Variants in DGKH observed in about 807,000 individuals in gnomAD.
DGKH encodes DAG kinase eta.
DGKH carries 90 observed loss-of-function variants against 159.3 expected under a neutral mutation model. That is an observed-to-expected ratio of 0.57 (90% CI 0.48 to 0.67). The LOEUF is 0.67. Ranked by LOEUF, DGKH falls within the 30% of genes least tolerant of loss-of-function variation. The pLI is 0.00. For synonymous variants in DGKH, 536 were observed against 553.8 expected (o/e 0.97, Z 0.45); for missense variants, 1,181 against 1,506.1 (o/e 0.78, Z 3.57).
intron 1 of DGKH, among the ~76,000 whole-genome samples, chr13:42,107,452 G>T (rs1234820721): frequency 6.6e-6 from 1 of 152,228 alleles, no homozygotes; most frequent in Non-Finnish European, 1.5e-5. Flanking sequence ...AAAGGGCTTT[G>T]CCTTGTTCTG....
At chr13:42,133,546 A>G (rs1029264311) in intron 3 of DGKH, among the ~76,000 whole-genome samples, 2 of 152,054 alleles carry the variant, frequency 1.3e-5, no homozygotes, top group Admixed American at 1.3e-4. Flanking sequence ...AAATCCAAAA[A>G]TTAGCCAGGT....
rs914003674 is a variant in DGKH at position 42,238,364 on chromosome 13, T to C, written c.*9176T>C. ...GGGTATTTTCATCTGTTATATTACA[T>C]GTTCATATTATTCATTTTAGGATAG... is the stretch of plus-strand genomic sequence containing the variant. On this transcript the variant is annotated 3_prime_UTR_variant, in exon 30 of 30. Coordinates refer to ENST00000337343, the MANE Select transcript of DGKH (RefSeq NM_178009.5). 6.6e-6 allele frequency: 1 copy of C among 152,208 alleles called. No homozygotes were observed. Among genetic ancestry groups the C allele is most frequent in the Non-Finnish European group, 1.5e-5 (1 of 68,014 alleles). 9.4% of individuals were successfully genotyped at this position (152,208 alleles called of 1,614,324 possible).
Position 42,048,964 on chromosome 13 carries a change from A to G in DGKH, c.191A>G (p.Lys64Arg). 1 of 1,289,894 alleles carries G rather than the reference A, an allele frequency of 7.8e-7. No homozygotes were observed. Among genetic ancestry groups the G allele is most frequent in the Non-Finnish European group, 9.9e-7 (1 of 1,010,658 alleles). 79.9% of individuals were successfully genotyped at this position (1,289,894 alleles called of 1,614,324 possible). The change falls in exon 1 of 30, where the codon AAG becomes AGG. Residue 64 changes from lysine to arginine, a missense_variant and splice_region_variant. Physicochemically the swap from Lys to Arg is conservative, Grantham distance 26. Transcript: ENST00000337343. The surrounding 1 kb of genome is among the most constrained non-coding windows in gnomAD (Gnocchi z 6.7). ...KVSTSGQIRT[K>R]TSIKEGQLLK... ...TCTACCTCGGGGCAGATCCGGACCA[A>G]GGTAGGGCGGAGGAGGCGGGCCTGA... is the stretch of plus-strand genomic sequence containing the variant.
chr13:42,198,579 C>T lies in DGKH; in HGVS notation c.2269C>T (p.Pro757Ser), dbSNP rs746180607. The T allele has an allele frequency of 6.8e-6, 11 of 1,612,462 alleles. No individual in the cohort carries two copies. Among genetic ancestry groups the T allele is most frequent in the African/African-American group, 1.3e-5 (1 of 74,760 alleles). ...DPFGATPFIDPDLDSVDGYSE... is the reference protein window; with the variant it reads ...DPFGATPFIDSDLDSVDGYSE... ...TTTTGGTGCCACGCCGTTTATTGAC[C>T]CGGATCTAGATTCCGTGTAAGAAAA... The change falls in exon 18 of 30, where the codon CCG becomes TCG. Residue 757 changes from proline (P) to serine (S), a missense_variant. This residue lies in a region of DGKH where 335 missense variants were observed against 495.2 expected (regional missense o/e 0.68). Coordinates refer to ENST00000337343, the MANE Select transcript of DGKH (RefSeq NM_178009.5).
At chr13:42,177,716 G>A (rs1424502488) in intron 12 of DGKH, among the ~76,000 whole-genome samples, 5 of 152,054 alleles carry the variant, frequency 3.3e-5, no homozygotes, top group Non-Finnish European at 7.4e-5. Context: ...ACTGCATTGT[G>A]GTTTTAGTTT....
chr13:42,190,358 T>A (rs1442493916), intron 15 of DGKH, 45 bp from the exon 16 acceptor site: 2 of 1,581,970 alleles, frequency 1.3e-6, no homozygotes, highest in South Asian at 2.4e-5. Context: ...ATTAATGGGC[T>A]TTATTTTCAC....
chr13:42,076,807 G>C (rs1285315229), intron 1 of DGKH, among the ~76,000 whole-genome samples: 1 of 151,324 alleles, frequency 6.6e-6, no homozygotes, highest in Admixed American at 6.6e-5. Context: ...TTCATCCAAG[G>C]GAAGCTGCTT....
intron 1 of DGKH, among the ~76,000 whole-genome samples, chr13:42,062,305 C>T (rs1882238714): frequency 6.6e-6 from 1 of 152,096 alleles, no homozygotes; most frequent in African/African-American, 2.4e-5. Flanking sequence ...CCATTATTTC[C>T]ACACATTTTT....
chr13:42,058,821 G>T (rs1470083718), intron 1 of DGKH, among the ~76,000 whole-genome samples: 1 of 152,216 alleles, frequency 6.6e-6, no homozygotes, highest in African/African-American at 2.4e-5. Context: ...CTGCCAGGTA[G>T]ATACAGATTA....
chr13:42,165,529 C>T, intron 8 of DGKH, 96 bp downstream of exon 8: 1 of 602,424 alleles, frequency 1.7e-6, no homozygotes, highest in Non-Finnish European at 2.6e-6. Context: ...TGGTAATTGA[C>T]TATTGTAGTC....
chr13:42,255,788 C>A, intron 30 of DGKH: 1 of 496,534 alleles, frequency 2.0e-6, no homozygotes. Flanking sequence ...GGAATATTTT[C>A]TCTGTCATTG....
At chr13:42,209,733 C>T (rs1327184967) in intron 23 of DGKH, among the ~76,000 whole-genome samples, 1 of 152,172 alleles carries the variant, frequency 6.6e-6, no homozygotes, top group African/African-American at 2.4e-5. Flanking sequence ...CTTCCCTACA[C>T]ATGTAAATTC....
At chr13:42,048,396 T>A (rs2137632008), upstream of DGKH, among the ~76,000 whole-genome samples, 1 of 132,474 alleles carries the variant, frequency 7.5e-6, no homozygotes, top group Middle Eastern at 3.5e-3. This position sits in a 1 kb window ranked among gnomAD's most constrained non-coding sequence, Gnocchi z 6.7. Context: ...TCCCCCACCC[T>A]CCTGTCCATC....
At chr13:42,069,696 A>G (rs561144149) in intron 1 of DGKH, 397 of 1,156,560 alleles carry the variant, frequency 3.4e-4, no homozygotes, top group Non-Finnish European at 4.6e-4. Flanking sequence ...GTTCATAGTA[A>G]CAGTTAACTT....
chr13:42,116,784 A>G (rs1954976050), intron 1 of DGKH, among the ~76,000 whole-genome samples: 1 of 152,216 alleles, frequency 6.6e-6, no homozygotes, highest in South Asian at 2.1e-4. Flanking sequence ...TAAAAGAGAA[A>G]TTACTTTTAT....
At chr13:42,065,092 C>G (rs1882465155) in intron 1 of DGKH, among the ~76,000 whole-genome samples, 1 of 152,176 alleles carries the variant, frequency 6.6e-6, no homozygotes, top group Admixed American at 6.5e-5. Flanking sequence ...ATTCAGGAAT[C>G]TTGACGTGAA....
intron 1 of DGKH, among the ~76,000 whole-genome samples, chr13:42,121,999 AC>A (rs1484127716): frequency 6.6e-6 from 1 of 152,150 alleles, no homozygotes; most frequent in Non-Finnish European, 1.5e-5. Context: ...CATAAGTCAG[AC>A]TTTTCTTTCT....
chr13:42,121,084 CACACACAA>C lies in DGKH; in HGVS notation c.193-6378_193-6371del, dbSNP rs1278246425. Among the ~76,000 whole-genome samples the C allele has an allele frequency of 9.5e-4, 141 of 148,620 alleles. 1 individual carries two copies. The highest frequency in any genetic ancestry group is 7.0e-3 in the Middle Eastern group (2 of 286). ...TATATTATACACACACACACACACA[CACACACAA>C]CATGCGCACACACACACACACGCAC... On this transcript the variant is annotated intron_variant, in intron 1 of 29. Transcript: ENST00000337343.
rs140593786 is a variant in DGKH, at chr13:42,175,812, T to C, written c.1452+1668T>C. Reference sequence around the variant, plus strand: ...GGCTGGCACCAGGAATGCATTTTACTGTGTGTGGCCTTTTTACCTTGAAAA... The same window carrying C: ...GGCTGGCACCAGGAATGCATTTTACCGTGTGTGGCCTTTTTACCTTGAAAA... On this transcript the variant is annotated intron_variant, in intron 12 of 29. Transcript: ENST00000337343. 9.5e-4 allele frequency among the ~76,000 whole-genome samples: 144 copies of C among 152,362 alleles called. 3 individuals carry two copies. The East Asian group carries it at 0.026, about 28-fold the overall frequency.
Sources: gnomAD v4.1 joint callset for allele counts (sites outside exome capture counted in the v4.1 genomes callset) on GRCh38, gnomAD v4.1.1 for gene constraint, gnomAD v4.1.1 regional missense constraint, Gnocchi (gnomAD v3.1) non-coding constraint, MANE v1.5 for transcripts, NCBI Gene and HGNC (gene_info 2026-07-23, HGNC 2026-07-21) for gene names.